Variants in ITGB3 observed in about 807,000 individuals in gnomAD.
ITGB3 encodes integrin beta-3.
ITGB3 carries 48 observed loss-of-function variants against 85.8 expected under a neutral mutation model. That is an observed-to-expected ratio of 0.56 (90% CI 0.44 to 0.71). ITGB3 has a LOEUF of 0.71. Among genes scored for constraint, ITGB3 ranks in the 30% least tolerant of loss-of-function variants. The probability of loss-of-function intolerance (pLI) is 0.00; values close to 1 mark genes in which losing one functional copy is unlikely to be tolerated. For synonymous variants in ITGB3, 363 were observed against 395.6 expected, an observed-to-expected ratio of 0.92 and a Z score of 0.98; for missense variants, 861 against 1,019.1, an observed-to-expected ratio of 0.84 and a Z score of 2.11.
intron 1 of ITGB3, among the ~76,000 whole-genome samples, chr17:47,273,233 T>A (rs1419230510): frequency 6.6e-6 from 1 of 152,182 alleles, no homozygotes; most frequent in African/African-American, 2.4e-5. Context: ...AACATCGCAA[T>A]GGTCAGGCTG....
chr17:47,286,363 C>T lies in ITGB3; in HGVS notation c.718C>T (p.Arg240Trp), dbSNP rs121918446. 4 of 1,614,040 alleles carry T rather than the reference C, an allele frequency of 2.5e-6. No individual in the cohort carries two copies. The highest frequency in any genetic ancestry group is 2.2e-5 in the South Asian group (2 of 91,084). Residue 240 changes from arginine to tryptophan, a missense_variant, in exon 5 of 15, where the codon CGG (arginine) becomes TGG (tryptophan). Coordinates refer to ENST00000559488, the MANE Select transcript of ITGB3 (RefSeq NM_000212.3). ...NEEVKKQSVS[R>W]NRDAPEGGFD... ...GGAAGTGAAGAAGCAGAGTGTGTCACGGAACCGAGATGCCCCAGAGGGTGG... is the reference window on the plus strand; with the variant it reads ...GGAAGTGAAGAAGCAGAGTGTGTCATGGAACCGAGATGCCCCAGAGGGTGG...
At chr17:47,278,504 C>T (rs1230178740) in intron 2 of ITGB3, among the ~76,000 whole-genome samples, 2 of 151,988 alleles carry the variant, frequency 1.3e-5, no homozygotes, top group African/African-American at 2.4e-5. Flanking sequence ...TGCTTGAATC[C>T]GGGAGGTGGA....
intron 1 of ITGB3, among the ~76,000 whole-genome samples, chr17:47,256,724 T>C (rs1172288646): frequency 1.3e-5 from 2 of 152,208 alleles, no homozygotes; most frequent in Non-Finnish European, 1.5e-5. Context: ...TCATTTTATG[T>C]ACAAAGATGA....
In ITGB3 at chr17:47,292,042, T is replaced by C. The variant is rs560633476; in HGVS notation, c.1261-97T>C. On this transcript the variant is annotated intron_variant, in intron 9 of 14. Transcript: ENST00000559488. ...AAGCATAAGACACCCAATTTGGGTA[T>C]TCCTTGGCAGGGCAGGGAACAACTT... 1.4e-5 allele frequency: 18 copies of C among 1,292,678 alleles called. No homozygotes were observed. The African/African-American group carries it at 1.9e-4, about 14-fold the overall frequency. The allele number at this position is 1,292,678 out of a possible 1,614,324, so 80.1% of individuals were successfully genotyped here. A position where few individuals can be genotyped will look rare whatever the true frequency, so the allele number is the denominator to read the frequency against.
chr17:47,276,288 A>G (rs1251465237), intron 2 of ITGB3, among the ~76,000 whole-genome samples: 2 of 152,194 alleles, frequency 1.3e-5, no homozygotes, highest in East Asian at 1.9e-4. Flanking sequence ...TGATCTGTAT[A>G]GGGACTAGCC....
Position 47,299,187 on chromosome 17 carries a change from C to A in ITGB3, c.1691-121C>A. Reference sequence around the variant, plus strand: ...CTCCCCTGGGTGGTGAGCCAATTCCCTGCCAACCTGGAGGATCATTATCTG... The same window carrying A: ...CTCCCCTGGGTGGTGAGCCAATTCCATGCCAACCTGGAGGATCATTATCTG... On this transcript the variant is annotated intron_variant, in intron 10 of 14. Transcript: ENST00000559488. This position sits in a 1 kb window ranked among gnomAD's most constrained non-coding sequence, Gnocchi z 5.1. 1 of 1,016,068 alleles carries A rather than the reference C, an allele frequency of 9.8e-7. No homozygotes were observed. The highest frequency in any genetic ancestry group is 1.5e-6 in the Non-Finnish European group (1 of 667,676). The allele number at this position is 1,016,068 out of a possible 1,614,324, so 62.9% of individuals were successfully genotyped here.
At chr17:47,273,071 G>A (rs904394571) in intron 1 of ITGB3, among the ~76,000 whole-genome samples, 2 of 152,102 alleles carry the variant, frequency 1.3e-5, no homozygotes, top group African/African-American at 4.8e-5. Context: ...CACCACGCCT[G>A]GCCATAATTT....
At chr17:47,285,133 T>C (rs2065098023) in intron 4 of ITGB3, among the ~76,000 whole-genome samples, 1 of 151,956 alleles carries the variant, frequency 6.6e-6, no homozygotes, top group Non-Finnish European at 1.5e-5. Flanking sequence ...TATAAAAGAG[T>C]GGAAATGACA....
intron 13 of ITGB3, among the ~76,000 whole-genome samples, chr17:47,304,139 G>T (rs928602229): frequency 6.6e-6 from 1 of 151,626 alleles, no homozygotes; most frequent in African/African-American, 2.4e-5. Flanking sequence ...TGATCCCCCC[G>T]CCTCAGCCCC....
chr17:47,268,849 T>C (rs2065034657), intron 1 of ITGB3, among the ~76,000 whole-genome samples: 1 of 152,228 alleles, frequency 6.6e-6, no homozygotes, highest in South Asian at 2.1e-4. Context: ...TCAACCCATA[T>C]TTCCCTTGTG....
chr17:47,270,790 A>T lies in ITGB3; in HGVS notation c.80-3629A>T, dbSNP rs1448488007. Among the ~76,000 whole-genome samples, 5 of 152,348 alleles carry T rather than the reference A, an allele frequency of 3.3e-5. No individual in the cohort carries two copies. In the East Asian group the frequency reaches 9.6e-4, roughly 29 times the overall value. ...AGGCCTTTGAAGTTAGATGGACTCA[A>T]GGCTCTGAGGAAACCTGGGGCTTCC... On this transcript the variant is annotated intron_variant, in intron 1 of 14. Coordinates refer to ENST00000559488, the MANE Select transcript of ITGB3 (RefSeq NM_000212.3).
rs1259151343 is a variant in ITGB3, at chr17:47,284,491, C to G, written c.410C>G (p.Pro137Arg). 1 of 1,614,002 alleles carries G rather than the reference C, an allele frequency of 6.2e-7. No homozygotes were observed. The highest frequency in any genetic ancestry group is 8.5e-7 in the Non-Finnish European group (1 of 1,180,024). Residue 137 changes from proline to arginine, a missense_variant, in exon 4 of 15, where the codon CCT becomes CGT. Transcript: ENST00000559488. ...CAAGTGCGGCAGGTGGAGGATTACCCTGTGGACATCTACTACTTGATGGAC... is the reference window on the plus strand; with the variant it reads ...CAAGTGCGGCAGGTGGAGGATTACCGTGTGGACATCTACTACTTGATGGAC... ...SIQVRQVEDY[P>R]VDIYYLMDLS...
At chr17:47,256,480 C>G (rs886474346) in intron 1 of ITGB3, among the ~76,000 whole-genome samples, 80 of 151,764 alleles carry the variant, frequency 5.3e-4, no homozygotes, top group Admixed American at 1.8e-3. Context: ...AATACCCCCC[C>G]CCCCAACCTC....
At chr17:47,288,158 G>C (rs747938125) in intron 6 of ITGB3, among the ~76,000 whole-genome samples, 2 of 151,418 alleles carry the variant, frequency 1.3e-5, no homozygotes, top group Non-Finnish European at 2.9e-5. Context: ...AAAGTGCTGG[G>C]ATTACAGGTG....
At chr17:47,282,141 G>T (rs890923552) in intron 2 of ITGB3, among the ~76,000 whole-genome samples, 1 of 152,076 alleles carries the variant, frequency 6.6e-6, no homozygotes, top group East Asian at 1.9e-4. Context: ...TAGAGACGGG[G>T]TTTCACTAGG....
chr17:47,306,552 T>C (rs1316949657), intron 13 of ITGB3, among the ~76,000 whole-genome samples: 1 of 152,178 alleles, frequency 6.6e-6, no homozygotes, highest in Non-Finnish European at 1.5e-5. Context: ...GCTGGCATTA[T>C]AGGCATGAGC....
At chr17:47,268,873 G>A (rs2065034774) in intron 1 of ITGB3, among the ~76,000 whole-genome samples, 1 of 152,214 alleles carries the variant, frequency 6.6e-6, no homozygotes. Flanking sequence ...TCCCCTAGCA[G>A]AGGCTCTCCA....
At position 47,291,010 on chromosome 17, in the gene ITGB3, AT is replaced by A; in HGVS notation, c.1183del (p.Ser395ProfsTer27). On this transcript the variant is annotated frameshift_variant, in exon 9 of 15. Transcript: ENST00000559488. LOFTEE classifies it high-confidence loss of function. ...VRDLPEELSL[S>X]FNATCLNNEV... ...GTGACCTCCCTGAAGAGTTGTCTCTATCCTTCAATGCCACCTGCCTCAACAA... is the reference window on the plus strand; with the variant it reads ...GTGACCTCCCTGAAGAGTTGTCTCTACCTTCAATGCCACCTGCCTCAACAA... 2 of 1,614,144 alleles carry A rather than the reference AT, an allele frequency of 1.2e-6. No homozygotes were observed.
intron 1 of ITGB3, among the ~76,000 whole-genome samples, chr17:47,273,689 G>A (rs538751849): frequency 3.5e-4 from 53 of 152,324 alleles, no homozygotes; most frequent in Admixed American, 1.6e-3. Flanking sequence ...ATCCCATAGA[G>A]GCTAGTTGAG....
Sources: allele counts gnomAD v4.1 joint callset (sites outside exome capture counted in the v4.1 genomes callset), GRCh38; gene constraint gnomAD v4.1.1; non-coding constraint Gnocchi (gnomAD v3.1); transcripts MANE v1.5; gene names NCBI Gene and HGNC (gene_info 2026-07-23, HGNC 2026-07-21).